THSD7B: variants seen among roughly 807,000 people sequenced by gnomAD.
THSD7B encodes thrombospondin type 1 domain containing 7B, also known as thrombospondin type-1 domain-containing protein 7B.
A neutral mutation model predicts 213.6 loss-of-function variants in THSD7B; 138 were observed. That is an observed-to-expected ratio of 0.65 (90% CI 0.56 to 0.74). THSD7B has a LOEUF of 0.74. Among genes scored for constraint, THSD7B ranks in the 30% least tolerant of loss-of-function variants. THSD7B has a pLI of 0.00. For synonymous variants in THSD7B, 742 were observed against 687.0 expected (o/e 1.08, Z -1.25); for missense variants, 1,931 against 1,991.5 (o/e 0.97, Z 0.58).
chr2:137,162,721 C>T (rs906836977), intron 6 of THSD7B, among the ~76,000 whole-genome samples: 3 of 151,874 alleles, frequency 2.0e-5, no homozygotes, highest in East Asian at 3.9e-4. Context: ...TCCCTCCCTT[C>T]CTTCCTTTCT....
chr2:137,297,646 T>A (rs1267705467), intron 12 of THSD7B, among the ~76,000 whole-genome samples: 1 of 152,044 alleles, frequency 6.6e-6, no homozygotes, highest in Non-Finnish European at 1.5e-5. Flanking sequence ...AGAATTCCCA[T>A]GTGTTGTAGG....
intron 5 of THSD7B, among the ~76,000 whole-genome samples, chr2:137,152,862 CCT>C (rs1679844969): frequency 6.6e-6 from 1 of 152,138 alleles, no homozygotes; most frequent in Non-Finnish European, 1.5e-5. Context: ...ATTGTACCTG[CCT>C]CTCTGCCTTT....
chr2:137,339,772 C>G (rs1332747639), intron 12 of THSD7B, among the ~76,000 whole-genome samples: 1 of 151,506 alleles, frequency 6.6e-6, no homozygotes, highest in Admixed American at 6.6e-5. Context: ...ATAGACATGT[C>G]TTTCCCATTT....
chr2:137,464,603 A>G (rs765750749), intron 15 of THSD7B, among the ~76,000 whole-genome samples: 13 of 152,076 alleles, frequency 8.5e-5, no homozygotes, highest in Non-Finnish European at 1.9e-4. Context: ...ACTTTGTACT[A>G]AGCATAAGCA....
intron 2 of THSD7B, among the ~76,000 whole-genome samples, chr2:136,919,885 G>A (rs1684406878): frequency 6.6e-6 from 1 of 152,224 alleles, no homozygotes; most frequent in South Asian, 2.1e-4. Context: ...ATAGGGACCG[G>A]CTCTGTGAGG....
At chr2:136,842,668 AACACTT>A (rs1319945773) in intron 1 of THSD7B, among the ~76,000 whole-genome samples, 1 of 152,178 alleles carries the variant, frequency 6.6e-6, no homozygotes, top group Non-Finnish European at 1.5e-5. Flanking sequence ...AAAATAATAA[AACACTT>A]TCACTAAGGG....
intron 2 of THSD7B, among the ~76,000 whole-genome samples, chr2:136,959,824 C>G (rs1182699995): frequency 6.6e-6 from 1 of 152,130 alleles, no homozygotes; most frequent in Non-Finnish European, 1.5e-5. Context: ...TTATCCTTGA[C>G]TAGATTTGAG....
At chr2:137,034,448 G>T (rs1420734753) in intron 2 of THSD7B, among the ~76,000 whole-genome samples, 1 of 151,978 alleles carries the variant, frequency 6.6e-6, no homozygotes, top group Non-Finnish European at 1.5e-5. Context: ...TTAGGTTTTG[G>T]GATACATGTC....
chr2:136,827,026 A>G (rs1017084087), intron 1 of THSD7B, among the ~76,000 whole-genome samples: 3 of 152,252 alleles, frequency 2.0e-5, no homozygotes, highest in Non-Finnish European at 4.4e-5. Flanking sequence ...TTAGAAAACC[A>G]GAACAAACAC....
At chr2:137,279,565 A>C (rs1292322967) in intron 12 of THSD7B, among the ~76,000 whole-genome samples, 1 of 152,086 alleles carries the variant, frequency 6.6e-6, no homozygotes, top group African/African-American at 2.4e-5. Flanking sequence ...TAATGAAATA[A>C]AGTGATCGAT....
intron 7 of THSD7B, among the ~76,000 whole-genome samples, chr2:137,173,958 T>C (rs1680314291): frequency 6.6e-6 from 1 of 152,216 alleles, no homozygotes; most frequent in East Asian, 1.9e-4. Flanking sequence ...TGTTTTTTTC[T>C]TTGTAACATT....
chr2:137,422,325 C>T (rs547752261), intron 14 of THSD7B, among the ~76,000 whole-genome samples: 1 of 152,174 alleles, frequency 6.6e-6, no homozygotes, highest in Admixed American at 6.5e-5. Context: ...TTTGTTTTTG[C>T]AGGGTATTGG....
chr2:136,789,308 A>T (rs1681921384), intron 1 of THSD7B, among the ~76,000 whole-genome samples: 1 of 152,052 alleles, frequency 6.6e-6, no homozygotes, highest in Non-Finnish European at 1.5e-5. Context: ...GCTGATGATC[A>T]CTACTTAGTT....
At chr2:137,009,775 G>C (rs1686191504) in intron 2 of THSD7B, among the ~76,000 whole-genome samples, 1 of 152,014 alleles carries the variant, frequency 6.6e-6, no homozygotes, top group Middle Eastern at 3.2e-3. Context: ...AATTATCCGG[G>C]GCTACAATTC....
intron 2 of THSD7B, among the ~76,000 whole-genome samples, chr2:137,020,544 A>AC (rs984333357): frequency 2.0e-5 from 3 of 151,850 alleles, no homozygotes; most frequent in African/African-American, 7.3e-5. Flanking sequence ...CTGTGCCAGG[A>AC]CCCCCCGTTA....
chr2:137,611,547 G>A (rs1328548888), intron 17 of THSD7B, among the ~76,000 whole-genome samples: 2 of 152,010 alleles, frequency 1.3e-5, no homozygotes, highest in East Asian at 1.9e-4. Flanking sequence ...ATGAGTTAAA[G>A]AACTTAGAAT....
At chr2:136,923,185 C>T (rs1684463567) in intron 2 of THSD7B, among the ~76,000 whole-genome samples, 1 of 152,172 alleles carries the variant, frequency 6.6e-6, no homozygotes. Context: ...GCTTTAGCTA[C>T]TTCATATGAG....
intron 7 of THSD7B, among the ~76,000 whole-genome samples, chr2:137,186,321 A>C (rs1261134665): frequency 2.0e-5 from 3 of 152,108 alleles, no homozygotes; most frequent in African/African-American, 7.2e-5. Flanking sequence ...CGTGTTGTGA[A>C]GGGTATTTCC....
intron 12 of THSD7B, among the ~76,000 whole-genome samples, chr2:137,294,642 A>G (rs1683414568): frequency 6.6e-6 from 1 of 150,604 alleles, no homozygotes; most frequent in Admixed American, 6.6e-5. Flanking sequence ...ATTTTATTAT[A>G]GTATATTATT....
Sources: gnomAD v4.1 joint callset for allele counts (sites outside exome capture counted in the v4.1 genomes callset) on GRCh38, gnomAD v4.1.1 for gene constraint, MANE v1.5 for transcripts, NCBI Gene and HGNC (gene_info 2026-07-23, HGNC 2026-07-21) for gene names.